The following SETD5 variants were observed in gnomAD, a reference collection of about 807,000 sequenced individuals.
The protein encoded by SETD5 is SET domain containing 5.
A neutral mutation model predicts 153.3 loss-of-function variants in SETD5; 44 were observed. That is an observed-to-expected ratio of 0.29 (90% CI 0.23 to 0.37). The LOEUF (loss-of-function observed/expected upper bound fraction) is 0.37, where lower values mean the gene tolerates loss of function less well. SETD5 is among the 10% of genes least tolerant of loss of function. The pLI, the probability that SETD5 is intolerant of heterozygous loss-of-function variation, is 1.00. For missense variants in SETD5, 1,544 were observed against 1,768.0 expected, an observed-to-expected ratio of 0.87 and a Z score of 2.27; for synonymous variants, 716 against 645.2, an observed-to-expected ratio of 1.11 and a Z score of -1.66.
At chr3:9,432,355 T>A (rs2040061275) in intron 3 of SETD5, 1 of 903,802 alleles carries the variant, frequency 1.1e-6, no homozygotes, top group Admixed American at 6.2e-5. Flanking sequence ...AGAATTTTCT[T>A]TGATCCCTCA....
intron 1 of SETD5, among the ~76,000 whole-genome samples, chr3:9,424,068 G>A (rs977050217): frequency 3.9e-5 from 6 of 152,306 alleles, no homozygotes; most frequent in South Asian, 2.1e-4. Context: ...TGGCTGGACA[G>A]TTGTCGGACA....
chr3:9,408,286 G>A (rs1322556271), intron 1 of SETD5, among the ~76,000 whole-genome samples: 2 of 152,146 alleles, frequency 1.3e-5, no homozygotes, highest in Non-Finnish European at 2.9e-5. Context: ...ATTTCCAAAT[G>A]AGCAGTTTTT....
chr3:9,426,710 G>C (rs770051087), intron 2 of SETD5, among the ~76,000 whole-genome samples: 10 of 151,850 alleles, frequency 6.6e-5, no homozygotes, highest in Non-Finnish European at 1.3e-4. Context: ...GGTAAATTTT[G>C]TATTTTTAGT....
intron 13 of SETD5, among the ~76,000 whole-genome samples, chr3:9,445,962 G>GCTTTT (rs2041894777): frequency 8.3e-6 from 1 of 120,248 alleles, no homozygotes; most frequent in African/African-American, 3.5e-5. Flanking sequence ...GTTTGAAGAG[G>GCTTTT]TTGTTTTTTT....
chr3:9,442,395 C>A, intron 10 of SETD5, 150 bp downstream of exon 10: 1 of 636,332 alleles, frequency 1.6e-6, no homozygotes, highest in Non-Finnish European at 2.8e-6. Flanking sequence ...AGTAATGGTG[C>A]TTTTATACGA....
chr3:9,407,725 G>A (rs987879810), intron 1 of SETD5, among the ~76,000 whole-genome samples: 2 of 152,128 alleles, frequency 1.3e-5, no homozygotes, highest in Non-Finnish European at 1.5e-5. Context: ...TTTTGGCTGG[G>A]TGCGGTGGCT....
chr3:9,430,198 G>A (rs1314468137), intron 3 of SETD5: 42 of 1,008,164 alleles, frequency 4.2e-5, no homozygotes, highest in Non-Finnish European at 4.9e-5. Context: ...CCTTAAAACA[G>A]AATATTATTA....
rs148431962 is a variant in SETD5, at chr3:9,417,833, A to G, written c.-176-6634A>G. Reference sequence around the variant, plus strand: ...TTTTATTCTTTATTTTTTTCCCCACATATTCTAAAATAAGTCTCTTACAGT... The same window carrying G: ...TTTTATTCTTTATTTTTTTCCCCACGTATTCTAAAATAAGTCTCTTACAGT... On this transcript the variant is annotated intron_variant, in intron 1 of 22. Transcript: ENST00000402198. Among the ~76,000 whole-genome samples the G allele has an allele frequency of 6.0e-3, 894 of 149,268 alleles. 5 individuals are homozygous for G. The highest frequency in any genetic ancestry group is 0.02 in the African/African-American group (809 of 40,592).
chr3:9,475,476 T>A lies in SETD5; in HGVS notation c.3721-7T>A. 6.3e-7 allele frequency: 1 copy of A among 1,599,750 alleles called. No homozygotes were observed. The highest frequency in any genetic ancestry group is 8.5e-7 in the Non-Finnish European group (1 of 1,169,620). Reference sequence around the variant, plus strand: ...GTCCTTATTCGTTTCCTCCCAACTTTGTCTAGCTCCTGCAGTGTGATAGTC... The same window carrying A: ...GTCCTTATTCGTTTCCTCCCAACTTAGTCTAGCTCCTGCAGTGTGATAGTC... On this transcript the variant is annotated splice_region_variant and splice_polypyrimidine_tract_variant and intron_variant, in intron 22 of 22. Coordinates refer to ENST00000402198, the MANE Select transcript of SETD5 (RefSeq NM_001080517.3).
chr3:9,470,144 G>A (rs2125573524), intron 18 of SETD5, among the ~76,000 whole-genome samples: 1 of 152,268 alleles, frequency 6.6e-6, no homozygotes, highest in South Asian at 2.1e-4. Flanking sequence ...TGTAGTACAA[G>A]GTGACTCAGC....
At chr3:9,430,340 A>G (rs2039815070) in intron 3 of SETD5, 1 of 973,294 alleles carries the variant, frequency 1.0e-6, no homozygotes, top group Non-Finnish European at 1.2e-6. Context: ...AATGAAAAGC[A>G]GTGTTTGGGC....
At chr3:9,404,694 A>C (rs1179651865) in intron 1 of SETD5, among the ~76,000 whole-genome samples, 1 of 152,166 alleles carries the variant, frequency 6.6e-6, no homozygotes, top group African/African-American at 2.4e-5. Context: ...CCCCCTTCCC[A>C]GATAATTAGA....
chr3:9,434,769 A>G lies in SETD5; in HGVS notation c.330-55A>G, dbSNP rs1236824972. On this transcript the variant is annotated intron_variant, in intron 5 of 22. Transcript: ENST00000402198. This position sits in a 1 kb window ranked among gnomAD's most constrained non-coding sequence, Gnocchi z 5.6. ...CAGAGACACTTCGCCCATGTGTGCT[A>G]TGATGTGATGCATGCTGTTGGAAGG... The G allele has an allele frequency of 3.2e-6, 5 of 1,573,676 alleles. No homozygotes were observed. Among genetic ancestry groups the G allele is most frequent in the South Asian group, 1.2e-5 (1 of 84,906 alleles).
chr3:9,446,103 C>T (rs1339356306), intron 13 of SETD5, among the ~76,000 whole-genome samples: 4 of 149,514 alleles, frequency 2.7e-5, no homozygotes, highest in Non-Finnish European at 4.4e-5. Context: ...CTCGCTAACA[C>T]GGTGAAACCT....
intron 16 of SETD5, among the ~76,000 whole-genome samples, chr3:9,450,304 A>C (rs1030006916): frequency 6.6e-6 from 1 of 152,206 alleles, no homozygotes; most frequent in African/African-American, 2.4e-5. Context: ...TCATTTATAC[A>C]GGCTCTACTC....
chr3:9,407,949 G>A (rs143893514), intron 1 of SETD5, among the ~76,000 whole-genome samples: 1,592 of 151,896 alleles, frequency 0.01, 15 homozygotes, highest in Non-Finnish European at 0.018. Flanking sequence ...GCAGTGAGCT[G>A]AGATTGCGCC....
At chr3:9,405,933 TCA>T (rs1490521512) in intron 1 of SETD5, among the ~76,000 whole-genome samples, 3 of 152,236 alleles carry the variant, frequency 2.0e-5, no homozygotes, top group African/African-American at 7.2e-5. Flanking sequence ...ATTTGTACTT[TCA>T]CAGTTTCTGT....
At position 9,447,764 on chromosome 3, in the gene SETD5, C is replaced by A; in HGVS notation, c.1861C>A (p.Arg621=). The A allele has an allele frequency of 6.2e-7, 1 of 1,614,000 alleles. No homozygotes were observed. The highest frequency in any genetic ancestry group is 1.1e-5 in the South Asian group (1 of 91,076). ...GCCCCGGCCGAAGAGTCGAATTTCT[C>A]GGTACAGGACCAGTTCAGCCCAAAG... is the stretch of plus-strand genomic sequence containing the variant. ...SRPRPKSRIS[R]YRTSSAQRLK... Residue 621 remains arginine, a synonymous_variant, in exon 15 of 23, where the codon CGG becomes AGG. Transcript: ENST00000402198.
At chr3:9,404,655 T>A (rs1445774040) in intron 1 of SETD5, among the ~76,000 whole-genome samples, 1 of 152,212 alleles carries the variant, frequency 6.6e-6, no homozygotes, top group African/African-American at 2.4e-5. Context: ...ATGACCCACA[T>A]TGCCAGTATT....
Sources: allele counts gnomAD v4.1 joint callset (sites outside exome capture counted in the v4.1 genomes callset), GRCh38; gene constraint gnomAD v4.1.1; non-coding constraint Gnocchi (gnomAD v3.1); transcripts MANE v1.5; gene names NCBI Gene and HGNC (gene_info 2026-07-23, HGNC 2026-07-21).